The following ZC3H12B variants were observed in gnomAD, a reference collection of about 807,000 sequenced individuals.
ZC3H12B encodes probable ribonuclease ZC3H12B.
Under a neutral mutation model 43.9 loss-of-function variants are expected in ZC3H12B, and 7 were observed. The ratio of observed to expected loss-of-function variants is 0.16; its 90% confidence interval spans 0.09 to 0.30. The LOEUF (loss-of-function observed/expected upper bound fraction) is 0.30, where lower values mean the gene tolerates loss of function less well. Among genes scored for constraint, ZC3H12B ranks in the 10% least tolerant of loss-of-function variants. The pLI is 1.00. For synonymous variants in ZC3H12B, 222 were observed against 241.7 expected, an observed-to-expected ratio of 0.92 and a Z score of 0.76; for missense variants, 475 against 670.2, an observed-to-expected ratio of 0.71 and a Z score of 3.22.
the ZC3H12B span, among the ~76,000 whole-genome samples, chrX:65,095,334 G>A: frequency 2.7e-5 from 3 of 111,682 alleles, no homozygotes; most frequent in Non-Finnish European, 5.6e-5. Flanking sequence ...CATGTAAAGA[G>A]CTTGGAAGTT....
chrX:65,046,127 G>T, the ZC3H12B span, among the ~76,000 whole-genome samples: 2 of 111,221 alleles, frequency 1.8e-5, no homozygotes, highest in Middle Eastern at 9.2e-3. Flanking sequence ...AGGATTTTTG[G>T]AATGGCAAAT....
the ZC3H12B span, among the ~76,000 whole-genome samples, chrX:65,067,798 C>T: frequency 9.1e-6 from 1 of 109,521 alleles, no homozygotes; most frequent in South Asian, 3.8e-4. Flanking sequence ...TTTGCGCTTG[C>T]TTTTGTAGTT....
At chrX:65,422,150 C>T (rs779571210) in intron 3 of ZC3H12B, among the ~76,000 whole-genome samples, 19 of 111,018 alleles carry the variant, frequency 1.7e-4, no homozygotes, top group Non-Finnish European at 2.8e-4. Flanking sequence ...TGCTCAGAAT[C>T]AGCATTCAAT....
At chrX:65,068,464 G>A in the ZC3H12B span, among the ~76,000 whole-genome samples, 4 of 111,060 alleles carry the variant, frequency 3.6e-5, no homozygotes, top group African/African-American at 9.8e-5. Context: ...TTAACACTCT[G>A]CATAAAAAAA....
chrX:65,506,184 CAT>C (rs2068423352), exon 5 of ZC3H12B: 1 of 112,188 alleles, frequency 8.9e-6, no homozygotes. Context: ...GCACAGCTAT[CAT>C]GTGTAAAATT....
At chrX:65,374,108 G>GTTATATATAACTATATATA (rs1402334408) in intron 2 of ZC3H12B, among the ~76,000 whole-genome samples, 3 of 62,922 alleles carry the variant, frequency 4.8e-5, no homozygotes, top group African/African-American at 2.3e-4. Context: ...ACTATATATA[G>GTTATATATAACTATATATA]GTTATATATA....
chrX:65,217,706 A>G, the ZC3H12B span, among the ~76,000 whole-genome samples: 1 of 112,248 alleles, frequency 8.9e-6, no homozygotes, highest in Non-Finnish European at 1.9e-5. Flanking sequence ...GTTAATCAAA[A>G]GATGAAATAA....
chrX:65,507,486 A>G (rs2068437610), exon 5 of ZC3H12B: 1 of 112,613 alleles, frequency 8.9e-6, no homozygotes, highest in Non-Finnish European at 1.9e-5. Flanking sequence ...TATGGTAGCT[A>G]GCTATATACA....
At chrX:65,125,348 C>G in the ZC3H12B span, among the ~76,000 whole-genome samples, 1 of 111,459 alleles carries the variant, frequency 9.0e-6, no homozygotes, top group East Asian at 2.8e-4. Context: ...CCACTGTGTT[C>G]TAAGAGAGTT....
At chrX:65,036,637 C>T in the ZC3H12B span, among the ~76,000 whole-genome samples, 1 of 110,950 alleles carries the variant, frequency 9.0e-6, no homozygotes, top group East Asian at 2.8e-4. Flanking sequence ...GCAAAATAAC[C>T]TCAGAGAGTA....
At chrX:65,159,128 C>T in the ZC3H12B span, among the ~76,000 whole-genome samples, 2 of 111,808 alleles carry the variant, frequency 1.8e-5, no homozygotes, top group African/African-American at 3.3e-5. Context: ...TTCCATTGGT[C>T]TATGTCTCTG....
chrX:65,260,762 G>T, the ZC3H12B span, among the ~76,000 whole-genome samples: 5 of 111,668 alleles, frequency 4.5e-5, no homozygotes, highest in South Asian at 1.8e-3. Flanking sequence ...TTTACATGGA[G>T]GTTAGTATAA....
chrX:65,118,219 G>T, the ZC3H12B span, among the ~76,000 whole-genome samples: 9 of 111,719 alleles, frequency 8.1e-5, no homozygotes, highest in Non-Finnish European at 1.5e-4. Context: ...CCATTTGTTT[G>T]TGTCCTCTTT....
the ZC3H12B span, among the ~76,000 whole-genome samples, chrX:65,062,399 C>T: frequency 8.9e-6 from 1 of 112,048 alleles, no homozygotes; most frequent in Non-Finnish European, 1.9e-5. Flanking sequence ...TTTCCCAGCA[C>T]CATTTATTAA....
the ZC3H12B span, among the ~76,000 whole-genome samples, chrX:65,304,626 A>C: frequency 1.8e-5 from 2 of 110,292 alleles, no homozygotes; most frequent in Admixed American, 9.7e-5. Flanking sequence ...AAAAAAAAAA[A>C]AAACAAAAAA....
chrX:65,080,640 T>A, the ZC3H12B span, among the ~76,000 whole-genome samples: 252 of 111,696 alleles, frequency 2.3e-3, 2 homozygotes, highest in African/African-American at 7.6e-3. Context: ...GAAAATATCC[T>A]TCAAACCTGG....
the ZC3H12B span, among the ~76,000 whole-genome samples, chrX:65,167,147 G>A: frequency 8.9e-6 from 1 of 111,796 alleles, no homozygotes; most frequent in Admixed American, 9.5e-5. Context: ...TATTGCCTAG[G>A]TTTTCTTCTA....
intron 1 of ZC3H12B, among the ~76,000 whole-genome samples, chrX:65,494,808 A>G (rs180948313): frequency 9.2e-6 from 1 of 109,174 alleles, no homozygotes; most frequent in East Asian, 2.8e-4. Context: ...ATAAATAAAT[A>G]AATAAATAAA....
the ZC3H12B span, among the ~76,000 whole-genome samples, chrX:65,122,631 A>G: frequency 9.0e-6 from 1 of 111,384 alleles, no homozygotes; most frequent in Non-Finnish European, 1.9e-5. Flanking sequence ...TGCTGTATTC[A>G]GGAAACCCAT....
Sources: gnomAD v4.1 joint callset for allele counts (sites outside exome capture counted in the v4.1 genomes callset) on GRCh38, gnomAD v4.1.1 for gene constraint, MANE v1.5 for transcripts, NCBI Gene and HGNC (gene_info 2026-07-23, HGNC 2026-07-21) for gene names.